FTO: variants seen among roughly 807,000 people sequenced by gnomAD.
FTO encodes alpha-ketoglutarate-dependent dioxygenase FTO.
A neutral mutation model predicts 63.9 loss-of-function variants in FTO; 47 were observed. That is an observed-to-expected ratio of 0.74 (90% CI 0.58 to 0.94). The LOEUF (loss-of-function observed/expected upper bound fraction) is 0.94. FTO is among the 40% of genes least tolerant of loss of function. The probability of loss-of-function intolerance (pLI) is 0.00; values close to 1 mark genes in which losing one functional copy is unlikely to be tolerated. For synonymous variants in FTO, 207 were observed against 224.4 expected, an observed-to-expected ratio of 0.92 and a Z score of 0.69; for missense variants, 562 against 618.1, an observed-to-expected ratio of 0.91 and a Z score of 0.96.
chr16:54,027,459 AG>A (rs1332705087), intron 8 of FTO, among the ~76,000 whole-genome samples: 2 of 151,748 alleles, frequency 1.3e-5, no homozygotes, highest in African/African-American at 4.8e-5. Context: ...CAAAGCGAAA[AG>A]AAAAAAGGAC....
chr16:53,714,473 C>G (rs927740010), intron 1 of FTO, among the ~76,000 whole-genome samples: 1 of 151,990 alleles, frequency 6.6e-6, no homozygotes, highest in African/African-American at 2.4e-5. Flanking sequence ...TTTTTGAAAA[C>G]AAAGATGGAA....
At position 53,863,998 on chromosome 16, in the gene FTO, C is replaced by T. The variant is rs1007439007; in HGVS notation, c.896-9788C>T. The stretch of plus-strand genomic sequence containing the variant: ...TCCATTTTTATGTTCCATTGATTGT[C>T]TCATTGAGAATCTAGGAATGGGACG... On this transcript the variant is annotated intron_variant, in intron 4 of 8. Coordinates refer to ENST00000471389, the MANE Select transcript of FTO (RefSeq NM_001080432.3). 2.0e-5 allele frequency among the ~76,000 whole-genome samples: 3 copies of T among 152,176 alleles called. No homozygotes were observed. In the South Asian group the frequency reaches 6.2e-4, roughly 31 times the overall value.
At chr16:53,855,892 T>G (rs1485577269) in intron 4 of FTO, among the ~76,000 whole-genome samples, 2 of 152,228 alleles carry the variant, frequency 1.3e-5, no homozygotes, top group Middle Eastern at 3.2e-3. Flanking sequence ...TGGTTTCTTT[T>G]AGGCTGAGGA....
intron 1 of FTO, among the ~76,000 whole-genome samples, chr16:53,752,268 C>G (rs1249498110): frequency 6.6e-6 from 1 of 152,066 alleles, no homozygotes; most frequent in Non-Finnish European, 1.5e-5. Flanking sequence ...TCAACAGTGG[C>G]TACCTCTTTG....
intron 7 of FTO, among the ~76,000 whole-genome samples, chr16:53,909,536 T>C (rs1211270627): frequency 1.6e-4 from 18 of 112,464 alleles, no homozygotes; most frequent in Non-Finnish European, 2.8e-4. Flanking sequence ...CCCCGCCTTT[T>C]TTTTTTTTTT....
In FTO at chr16:53,942,578, A is replaced by G. The variant is rs914553250; in HGVS notation, c.1364+8469A>G. Among the ~76,000 whole-genome samples, 3 of 152,198 alleles carry G rather than the reference A, an allele frequency of 2.0e-5. No individual in the cohort carries two copies. The East Asian group carries it at 5.8e-4, about 29-fold the overall frequency. Reference sequence around the variant, plus strand: ...AGGGATAGGAACAAAGCTGAGGCTAATATGGCTTCCAGTCTGTAGGCAGCT... The same window carrying G: ...AGGGATAGGAACAAAGCTGAGGCTAGTATGGCTTCCAGTCTGTAGGCAGCT... On this transcript the variant is annotated intron_variant, in intron 8 of 8. Transcript: ENST00000471389.
intron 8 of FTO, among the ~76,000 whole-genome samples, chr16:54,017,351 C>T (rs991307803): frequency 5.3e-5 from 8 of 152,094 alleles, no homozygotes; most frequent in African/African-American, 1.9e-4. Context: ...CATTTCTGGC[C>T]CCTCTGATGC....
At chr16:53,753,230 G>A (rs1242042398) in intron 1 of FTO, among the ~76,000 whole-genome samples, 1 of 145,310 alleles carries the variant, frequency 6.9e-6, no homozygotes. Flanking sequence ...TCCAGCATGG[G>A]CAACAGAGAG....
chr16:53,887,447 T>C (rs891069562), intron 6 of FTO, among the ~76,000 whole-genome samples: 2 of 152,000 alleles, frequency 1.3e-5, no homozygotes, highest in African/African-American at 4.8e-5. Context: ...ACATGGGCTG[T>C]TTGGGGGAAG....
intron 1 of FTO, among the ~76,000 whole-genome samples, chr16:53,787,540 TA>T (rs886100821): frequency 2.0e-5 from 3 of 151,454 alleles, no homozygotes; most frequent in African/African-American, 7.3e-5. Context: ...AAGCAAAAAT[TA>T]AAAAAAAATT....
At chr16:53,722,467 T>C (rs1054011316) in intron 1 of FTO, among the ~76,000 whole-genome samples, 1 of 152,180 alleles carries the variant, frequency 6.6e-6, no homozygotes, top group African/African-American at 2.4e-5. Flanking sequence ...TTTACTTTAC[T>C]GAACAGTTAT....
rs377217973 is a variant in FTO at position 54,002,446 on chromosome 16, T to C, written c.1364+68337T>C. Among the ~76,000 whole-genome samples, 226 of 152,366 alleles carry C rather than the reference T, an allele frequency of 1.5e-3. 8 individuals carry two copies. The South Asian group carries it at 0.045, about 30-fold the overall frequency. On this transcript the variant is annotated intron_variant, in intron 8 of 8. Transcript: ENST00000471389. The stretch of plus-strand genomic sequence containing the variant: ...TGCTTGGCTTATTGTACGAGGTAAC[T>C]CCACTTTCTGTTCATCTCAAAAGTG...
intron 8 of FTO, among the ~76,000 whole-genome samples, chr16:53,949,061 G>C (rs2082713329): frequency 6.6e-6 from 1 of 152,172 alleles, no homozygotes; most frequent in African/African-American, 2.4e-5. Flanking sequence ...AGGTGTATAT[G>C]GTGCTCATTG....
intron 1 of FTO, among the ~76,000 whole-genome samples, chr16:53,799,733 C>G (rs1258531077): frequency 1.3e-5 from 2 of 152,316 alleles, no homozygotes; most frequent in African/African-American, 4.8e-5. Flanking sequence ...GCTGAAATGG[C>G]AGCGTTCCTG....
chr16:54,041,730 GA>G (rs2144279486), intron 8 of FTO, among the ~76,000 whole-genome samples: 1 of 152,218 alleles, frequency 6.6e-6, no homozygotes, highest in African/African-American at 2.4e-5. Context: ...TGGTAATTAT[GA>G]AAATATCCAG....
At chr16:54,109,541 A>C (rs1373612426) in intron 8 of FTO, among the ~76,000 whole-genome samples, 1 of 152,166 alleles carries the variant, frequency 6.6e-6, no homozygotes, top group East Asian at 1.9e-4. Context: ...CACATTGCCC[A>C]GGCTGGTTTC....
intron 7 of FTO, among the ~76,000 whole-genome samples, chr16:53,903,947 G>A (rs912366837): frequency 3.3e-5 from 5 of 151,648 alleles, no homozygotes; most frequent in Non-Finnish European, 5.9e-5. Context: ...CTATCTATAT[G>A]TATGTATGTA....
At position 53,881,062 on chromosome 16, in the gene FTO, C is replaced by T. The variant is rs541397608; in HGVS notation, c.1119+1075C>T. Among the ~76,000 whole-genome samples the T allele has an allele frequency of 6.6e-5, 10 of 151,122 alleles. No homozygotes were observed. The South Asian group carries it at 8.3e-4, about 13-fold the overall frequency. ...GCATGAACCTGCGAGGCGGAGCTTG[C>T]AGTGAGCCAAGATCGCGTGACTGCA... On this transcript the variant is annotated intron_variant, in intron 6 of 8. Transcript: ENST00000471389.
At chr16:54,098,484 G>A (rs753041279) in intron 8 of FTO, among the ~76,000 whole-genome samples, 24 of 152,192 alleles carry the variant, frequency 1.6e-4, no homozygotes, top group Non-Finnish European at 3.1e-4. Context: ...GCAGATGGAG[G>A]AATCATCAAC....
Sources: gnomAD v4.1 joint callset for allele counts (sites outside exome capture counted in the v4.1 genomes callset) on GRCh38, gnomAD v4.1.1 for gene constraint, MANE v1.5 for transcripts, NCBI Gene and HGNC (gene_info 2026-07-23, HGNC 2026-07-21) for gene names.